The following FGL1 variants were observed in gnomAD, a reference collection of about 807,000 sequenced individuals.
FGL1 encodes fibrinogen-like protein 1.
In FGL1, 59 loss-of-function variants were observed where a neutral mutation model predicts 43.7. That is an observed-to-expected ratio of 1.35 (90% CI 1.10 to 1.68). The LOEUF is 1.68. Ranked by LOEUF, FGL1 falls within the 40% of genes most tolerant of loss-of-function variation. FGL1 has a pLI of 0.00. For synonymous variants in FGL1, 192 were observed against 126.5 expected, an observed-to-expected ratio of 1.52 and a Z score of -3.48; for missense variants, 596 against 373.0, an observed-to-expected ratio of 1.60 and a Z score of -4.92.
chr8:17,878,664 C>T (rs968272237), intron 3 of FGL1, among the ~76,000 whole-genome samples: 23 of 152,038 alleles, frequency 1.5e-4, no homozygotes, highest in Non-Finnish European at 1.3e-4. Context: ...AAATCATGTG[C>T]CTAGTGCATT....
At chr8:17,865,286 A>G (rs1207172402) in intron 7 of FGL1, among the ~76,000 whole-genome samples, 2 of 152,172 alleles carry the variant, frequency 1.3e-5, no homozygotes, top group African/African-American at 4.8e-5. Context: ...TGTTAATTTC[A>G]TACTTAACAA....
At position 17,868,781 on chromosome 8, in the gene FGL1, C is replaced by G. The variant is rs188763631; in HGVS notation, c.592-46G>C. 1.9e-6 allele frequency: 3 copies of G among 1,540,766 alleles called. No individual in the cohort carries two copies. The Admixed American group carries it at 6.3e-5, about 32-fold the overall frequency. Reference sequence around the variant, plus strand: ...TGCTGTCAGTGGAGTTCCTCTATGACCATTTTAAAATTAAGTTTATTTCAT... The same window carrying G: ...TGCTGTCAGTGGAGTTCCTCTATGAGCATTTTAAAATTAAGTTTATTTCAT... On this transcript the variant is annotated intron_variant, in intron 6 of 7. Transcript: ENST00000427924.
rs17116494 is a variant in FGL1, at chr8:17,871,929, A to G, written c.502+2090T>C. 4.1e-3 allele frequency among the ~76,000 whole-genome samples: 622 copies of G among 152,324 alleles called. 11 individuals are homozygous for G. The highest frequency in any genetic ancestry group is 0.014 in the African/African-American group (564 of 41,568). ...AAAAAATAATACGTTTGAATTTCAT[A>G]TATTTAGAAAGAGCCAAGGGTTACT... On this transcript the variant is annotated intron_variant, in intron 5 of 7. Transcript: ENST00000427924.
Position 17,864,632 on chromosome 8 carries a change from A to T in FGL1, c.899T>A (p.Met300Lys). The T allele has an allele frequency of 6.2e-7, 1 of 1,611,560 alleles. No homozygotes were observed. Among genetic ancestry groups the T allele is most frequent in the East Asian group, 2.2e-5 (1 of 44,862 alleles). ...GWWYSLKSVV[M>K]KIRPNDFIPN... ...AATAAAATCATTTGGCCTAATTTTC[A>T]TAACCACAGATTTCAGAGAATACCA... The change falls in exon 8 of 8, where the codon ATG (methionine) becomes AAG (lysine). Residue 300 changes from methionine to lysine, a missense_variant. Physicochemically the swap from Met to Lys is moderately conservative, Grantham distance 95. Coordinates refer to ENST00000427924, the MANE Select transcript of FGL1 (RefSeq NM_004467.4).
At position 17,881,940 on chromosome 8, in the gene FGL1, C is replaced by T. The variant is rs1043213699; in HGVS notation, c.244+59G>A. On this transcript the variant is annotated intron_variant, in intron 3 of 7. Coordinates refer to ENST00000427924, the MANE Select transcript of FGL1 (RefSeq NM_004467.4). ...AAAAGCCTGAAATAACTAGCACCAT[C>T]ACTGTACATGGGTGCATAATGTAAG... The T allele has an allele frequency of 1.8e-5, 25 of 1,369,238 alleles. No individual in the cohort carries two copies. In the Admixed American group the frequency reaches 4.7e-4, roughly 26 times the overall value. 84.8% of individuals were successfully genotyped at this position (1,369,238 alleles called of 1,614,324 possible). A position where few individuals can be genotyped will look rare whatever the true frequency, so the allele number is the denominator to read the frequency against.
chr8:17,885,902 G>C (rs1196755969), intron 1 of FGL1: 2 of 183,744 alleles, frequency 1.1e-5, no homozygotes, highest in East Asian at 2.8e-4. Flanking sequence ...AAGTGGCGTA[G>C]TCAAAATCTG....
intron 5 of FGL1, 65 bp downstream of exon 5, chr8:17,873,954 T>G (rs1476446564): frequency 1.6e-6 from 2 of 1,253,986 alleles, no homozygotes; most frequent in Non-Finnish European, 2.2e-6. Flanking sequence ...ATAATTTGGT[T>G]AAAAAAAAAT....
At chr8:17,879,125 T>C (rs988722711) in intron 3 of FGL1, among the ~76,000 whole-genome samples, 15 of 151,732 alleles carry the variant, frequency 9.9e-5, no homozygotes, top group African/African-American at 3.6e-4. Context: ...TTTTTGGCTT[T>C]TATATCAAAA....
chr8:17,870,956 C>A (rs1346592290), intron 5 of FGL1, among the ~76,000 whole-genome samples: 1 of 45,150 alleles, frequency 2.2e-5, no homozygotes, highest in African/African-American at 8.3e-5. Flanking sequence ...GGTGCACACA[C>A]CAGGACGAGA....
rs956184507 is a variant in FGL1, at chr8:17,885,647, C to T, written c.-17-76G>A. On this transcript the variant is annotated intron_variant, in intron 1 of 7. Coordinates refer to ENST00000427924, the MANE Select transcript of FGL1 (RefSeq NM_004467.4). ...GAGACCAGAGTTCAGACTTCAGTAG[C>T]TCCAGGAAGTCGGATGCAGCCGCAG... 5 of 1,260,024 alleles carry T rather than the reference C, an allele frequency of 4.0e-6. No homozygotes were observed. In the Admixed American group the frequency reaches 5.9e-5, roughly 15 times the overall value. The allele number at this position is 1,260,024 out of a possible 1,614,324, so 78.1% of individuals were successfully genotyped here. A position where few individuals can be genotyped will look rare whatever the true frequency, so the allele number is the denominator to read the frequency against.
chr8:17,887,727 T>C (rs2053650181), intron 1 of FGL1, among the ~76,000 whole-genome samples: 1 of 151,238 alleles, frequency 6.6e-6, no homozygotes, highest in Admixed American at 6.6e-5. Flanking sequence ...CCCAGCAAAT[T>C]GGGAGGCTGA....
chr8:17,890,383 A>G (rs138198081), intron 1 of FGL1, among the ~76,000 whole-genome samples: 43 of 152,280 alleles, frequency 2.8e-4, no homozygotes, highest in African/African-American at 1.0e-3. Flanking sequence ...CTCTTTTCCC[A>G]TCATTTTTGC....
chr8:17,884,261 G>C (rs983654535), intron 2 of FGL1, among the ~76,000 whole-genome samples: 1 of 151,468 alleles, frequency 6.6e-6, no homozygotes, highest in African/African-American at 2.4e-5. Context: ...GTGCGATCTC[G>C]GCTCCCTGCA....
chr8:17,892,160 T>G (rs1479913679), intron 1 of FGL1, among the ~76,000 whole-genome samples: 4 of 152,108 alleles, frequency 2.6e-5, no homozygotes, highest in East Asian at 1.9e-4. Context: ...ATTTTAAAAT[T>G]TATCACAAAA....
intron 7 of FGL1, among the ~76,000 whole-genome samples, chr8:17,865,889 T>C (rs2053263104): frequency 6.6e-6 from 1 of 152,200 alleles, no homozygotes; most frequent in Non-Finnish European, 1.5e-5. Flanking sequence ...ACTTATCAGC[T>C]TAATGATTCA....
At chr8:17,881,569 C>T (rs1334435656) in intron 3 of FGL1, among the ~76,000 whole-genome samples, 2 of 151,190 alleles carry the variant, frequency 1.3e-5, no homozygotes, top group Admixed American at 1.3e-4. Flanking sequence ...CACGGTGGCT[C>T]ACGCCTGTAA....
At chr8:17,888,739 G>C (rs1028262466) in intron 1 of FGL1, among the ~76,000 whole-genome samples, 1 of 152,058 alleles carries the variant, frequency 6.6e-6, no homozygotes, top group African/African-American at 2.4e-5. Flanking sequence ...ATTTTATTAA[G>C]AAGTAAAAAC....
chr8:17,884,207 CTT>C (rs1563459106), intron 2 of FGL1, among the ~76,000 whole-genome samples: 2 of 150,662 alleles, frequency 1.3e-5, no homozygotes, highest in Non-Finnish European at 3.0e-5. Flanking sequence ...CTCTCTCTTT[CTT>C]TCAACAGAGT....
chr8:17,871,663 A>G (rs2053363019), intron 5 of FGL1, among the ~76,000 whole-genome samples: 1 of 152,234 alleles, frequency 6.6e-6, no homozygotes, highest in African/African-American at 2.4e-5. Context: ...GTGGGGATAA[A>G]GCTATTCTCA....
Sources: gnomAD v4.1 joint callset for allele counts (sites outside exome capture counted in the v4.1 genomes callset) on GRCh38, gnomAD v4.1.1 for gene constraint, MANE v1.5 for transcripts, NCBI Gene and HGNC (gene_info 2026-07-23, HGNC 2026-07-21) for gene names.